LINGO2: variants seen among roughly 807,000 people sequenced by gnomAD.
LINGO2 encodes leucine rich repeat and Ig domain containing 2, also known as leucine-rich repeat and immunoglobulin-like domain-containing nogo receptor-interacting protein 2.
LINGO2 carries 14 observed loss-of-function variants against 30.6 expected under a neutral mutation model. That is an observed-to-expected ratio of 0.46 (90% CI 0.30 to 0.72). The LOEUF (loss-of-function observed/expected upper bound fraction) is 0.72, where lower values mean the gene tolerates loss of function less well. Among genes scored for constraint, LINGO2 ranks in the 30% least tolerant of loss-of-function variants. LINGO2 has a pLI of 0.07. For missense variants in LINGO2, 729 were observed against 751.7 expected (o/e 0.97, Z 0.35); for synonymous variants, 317 against 288.5 (o/e 1.10, Z -1.00).
the LINGO2 span, among the ~76,000 whole-genome samples, chr9:28,877,740 T>G: frequency 1.3e-5 from 2 of 152,186 alleles, no homozygotes; most frequent in Non-Finnish European, 2.9e-5. Context: ...TGCAGGCTCT[T>G]TTTTGGTTCC....
chr9:29,042,120 C>T, the LINGO2 span, among the ~76,000 whole-genome samples: 1 of 151,776 alleles, frequency 6.6e-6, no homozygotes, highest in African/African-American at 2.4e-5. Context: ...ATCAGAATGA[C>T]TAAAATAAGA....
chr9:29,166,585 T>A, the LINGO2 span, among the ~76,000 whole-genome samples: 9 of 152,172 alleles, frequency 5.9e-5, no homozygotes, highest in Admixed American at 2.6e-4. Flanking sequence ...TTCTTGTTAT[T>A]ACTCTGTAAG....
chr9:28,178,931 T>C (rs1828822380), intron 4 of LINGO2, among the ~76,000 whole-genome samples: 1 of 152,140 alleles, frequency 6.6e-6, no homozygotes, highest in African/African-American at 2.4e-5. Context: ...TCTGAATCTA[T>C]GCTCCATTGG....
chr9:28,147,753 A>G lies in LINGO2; in HGVS notation c.-86-135348T>C, dbSNP rs1827856740. 6.6e-6 allele frequency among the ~76,000 whole-genome samples: 1 copy of G among 152,156 alleles called. No individual in the cohort carries two copies. The highest frequency in any genetic ancestry group is 2.4e-5 in the African/African-American group (1 of 41,454). ...CCAGGAGCAGGACGTCCCTGAGGCT[A>G]GAGTCCAGCTGGACCGGTGGAAGGG... On this transcript the variant is annotated intron_variant, in intron 4 of 5. Transcript: ENST00000379992. This position sits in a 1 kb window ranked among gnomAD's most constrained non-coding sequence, Gnocchi z 4.7.
intron 1 of LINGO2, among the ~76,000 whole-genome samples, chr9:28,602,820 T>C (rs192068822): frequency 3.9e-5 from 6 of 152,198 alleles, no homozygotes; most frequent in Admixed American, 3.9e-4. Context: ...CTAGTGACTG[T>C]ACATCTGTGT....
At chr9:28,603,895 C>G (rs190753410) in intron 1 of LINGO2, among the ~76,000 whole-genome samples, 175 of 152,100 alleles carry the variant, frequency 1.2e-3, no homozygotes, top group Admixed American at 6.3e-3. Context: ...AATTGAGACT[C>G]GTCTGCTTAG....
the LINGO2 span, among the ~76,000 whole-genome samples, chr9:28,961,973 C>A: frequency 2.0e-5 from 3 of 152,134 alleles, no homozygotes; most frequent in Non-Finnish European, 4.4e-5. Flanking sequence ...ACCTTTGTTG[C>A]CACTTTGGAG....
the LINGO2 span, among the ~76,000 whole-genome samples, chr9:28,819,454 T>C: frequency 7.9e-5 from 12 of 152,346 alleles, no homozygotes; most frequent in African/African-American, 2.9e-4. Flanking sequence ...CATATTGGCA[T>C]ATTCTACCAC....
At chr9:27,983,848 T>C (rs545681210) in intron 5 of LINGO2, among the ~76,000 whole-genome samples, 116 of 151,970 alleles carry the variant, frequency 7.6e-4, no homozygotes, top group African/African-American at 2.5e-3. Flanking sequence ...AATTTTTGAG[T>C]TATCCCAGAG....
intron 5 of LINGO2, among the ~76,000 whole-genome samples, chr9:27,986,594 C>T (rs1563884174): frequency 6.6e-6 from 1 of 151,820 alleles, no homozygotes; most frequent in Non-Finnish European, 1.5e-5. Context: ...ACTGCTCTTG[C>T]ACGAGAATGC....
chr9:28,617,156 A>G (rs1357195230), intron 1 of LINGO2, among the ~76,000 whole-genome samples: 2 of 152,136 alleles, frequency 1.3e-5, no homozygotes, highest in African/African-American at 4.8e-5. Context: ...ACATATTAAA[A>G]CCATCTTTTC....
chr9:29,150,334 A>C, the LINGO2 span, among the ~76,000 whole-genome samples: 12 of 152,222 alleles, frequency 7.9e-5, no homozygotes, highest in Non-Finnish European at 1.6e-4. Flanking sequence ...AGAAAGAATC[A>C]GTGCAAGAAC....
rs186843472 is a variant in LINGO2, at chr9:28,173,987, A to G, written c.-87+121221T>C. Among the ~76,000 whole-genome samples, 16 of 152,346 alleles carry G rather than the reference A, an allele frequency of 1.1e-4. No homozygotes were observed. The East Asian group carries it at 3.1e-3, about 29-fold the overall frequency. ...TCAGTGAGGTTATATCCAAACTGAA[A>G]AAAATCTATGTTATATAAAGTTGAG... is the stretch of plus-strand genomic sequence containing the variant. On this transcript the variant is annotated intron_variant, in intron 4 of 5. Coordinates refer to ENST00000379992, the Ensembl canonical transcript of LINGO2.
intron 4 of LINGO2, among the ~76,000 whole-genome samples, chr9:28,183,989 C>A (rs775878192): frequency 4.6e-5 from 7 of 152,218 alleles, no homozygotes; most frequent in Non-Finnish European, 1.0e-4. Flanking sequence ...CTGGGCCTCA[C>A]AGCCCTTCTC....
At chr9:28,013,563 A>G (rs1386862303) in intron 4 of LINGO2, among the ~76,000 whole-genome samples, 1 of 152,214 alleles carries the variant, frequency 6.6e-6, no homozygotes, top group Non-Finnish European at 1.5e-5. Context: ...ATACTCTTGT[A>G]CAGAGGAATG....
chr9:28,489,056 A>G (rs1205747292), intron 1 of LINGO2, among the ~76,000 whole-genome samples: 2 of 152,232 alleles, frequency 1.3e-5, no homozygotes, highest in Admixed American at 1.3e-4. Flanking sequence ...TAAAGGAATC[A>G]AAAAAGCTTA....
rs551311651 is a variant in LINGO2 at position 28,429,319 on chromosome 9, T to G, written c.-279+46621A>C. Reference sequence around the variant, plus strand: ...TCACAAGAGTTTTAAAATTTTAGATTAAAAAAATAGTGATAGGGTAATAAC... The same window carrying G: ...TCACAAGAGTTTTAAAATTTTAGATGAAAAAAATAGTGATAGGGTAATAAC... On this transcript the variant is annotated intron_variant, in intron 2 of 5. Transcript: ENST00000379992. 3.7e-4 allele frequency among the ~76,000 whole-genome samples: 56 copies of G among 152,202 alleles called. No homozygotes were observed. In the South Asian group the frequency reaches 0.012, roughly 32 times the overall value.
intron 3 of LINGO2, among the ~76,000 whole-genome samples, chr9:28,299,148 T>C (rs10968470): frequency 0.072 from 11,000 of 152,182 alleles, 717 homozygotes; most frequent in East Asian, 0.38. Flanking sequence ...TGGAGACATG[T>C]TGCATAACCC....
At chr9:28,968,952 T>C in the LINGO2 span, among the ~76,000 whole-genome samples, 1 of 152,300 alleles carries the variant, frequency 6.6e-6, no homozygotes, top group South Asian at 2.1e-4. Flanking sequence ...TAGTGATTCT[T>C]ATCAGAAGTC....
Sources: gnomAD v4.1 joint callset for allele counts (sites outside exome capture counted in the v4.1 genomes callset) on GRCh38, gnomAD v4.1.1 for gene constraint, Gnocchi (gnomAD v3.1) non-coding constraint, MANE v1.5 for transcripts, NCBI Gene and HGNC (gene_info 2026-07-23, HGNC 2026-07-21) for gene names.